Variants in ZNF407 observed in about 807,000 individuals in gnomAD.
The protein encoded by ZNF407 is zinc finger protein 407.
Under a neutral mutation model 131.2 loss-of-function variants are expected in ZNF407, and 17 were observed. The observed-to-expected ratio is 0.13, with a 90% CI of 0.09 to 0.19. ZNF407 has a LOEUF of 0.19. ZNF407 is among the 10% of genes least tolerant of loss of function. The probability of loss-of-function intolerance (pLI) is 1.00; values close to 1 mark genes in which losing one functional copy is unlikely to be tolerated. For missense variants in ZNF407, 2,681 were observed against 2,830.6 expected (o/e 0.95, Z 1.20); for synonymous variants, 1,156 against 1,062.0 (o/e 1.09, Z -1.72).
At chr18:74,743,783 G>A (rs529485903) in intron 3 of ZNF407, among the ~76,000 whole-genome samples, 1 of 152,028 alleles carries the variant, frequency 6.6e-6, no homozygotes, top group African/African-American at 2.4e-5. Flanking sequence ...GGTATATTGT[G>A]ATTTATTAAA....
In ZNF407 at chr18:74,632,067, C is replaced by T; in HGVS notation, c.1048C>T (p.Pro350Ser). The T allele has an allele frequency of 6.2e-7, 1 of 1,613,684 alleles. No individual in the cohort carries two copies. The highest frequency in any genetic ancestry group is 8.5e-7 in the Non-Finnish European group (1 of 1,179,788). Residue 350 changes from proline to serine, a missense_variant, in exon 2 of 9, where the codon CCT (proline) becomes TCT (serine). Pro to Ser is a moderately conservative substitution (Grantham distance 74). This residue lies in a region of ZNF407 where 1,789 missense variants were observed against 1,748.7 expected (regional missense o/e 1.02). Coordinates refer to ENST00000299687, the MANE Select transcript of ZNF407 (RefSeq NM_017757.3). ...CAGTGAGCTTCTTGTTGAAATGATG[C>T]CTTCCAGAAATACTTTGTCACAGGA... Reference protein sequence around the residue: ...SSSELLVEMMPSRNTLSQEVE... With the variant: ...SSSELLVEMMSSRNTLSQEVE...
At chr18:74,819,213 G>A (rs1296723019) in intron 4 of ZNF407, among the ~76,000 whole-genome samples, 1 of 152,212 alleles carries the variant, frequency 6.6e-6, no homozygotes, top group Non-Finnish European at 1.5e-5. Context: ...TTGGGTAAAA[G>A]TATTCACACT....
intron 4 of ZNF407, among the ~76,000 whole-genome samples, chr18:74,866,893 G>A (rs562419815): frequency 7.0e-6 from 1 of 143,160 alleles, no homozygotes; most frequent in East Asian, 2.1e-4. Context: ...GCATGTACCT[G>A]TAGTCCCAGC....
chr18:74,718,769 C>G (rs564494150), intron 3 of ZNF407, among the ~76,000 whole-genome samples: 2 of 152,264 alleles, frequency 1.3e-5, no homozygotes, highest in South Asian at 4.1e-4. Flanking sequence ...TTTTCTAAAT[C>G]TACTTATTCT....
chr18:74,935,603 G>A (rs1219129565), intron 8 of ZNF407, among the ~76,000 whole-genome samples: 1 of 152,164 alleles, frequency 6.6e-6, no homozygotes, highest in Non-Finnish European at 1.5e-5. Flanking sequence ...TGGCAATGTG[G>A]CCGCAGCTCA....
intron 4 of ZNF407, among the ~76,000 whole-genome samples, chr18:74,851,242 A>G (rs1017241634): frequency 6.6e-6 from 1 of 152,190 alleles, no homozygotes; most frequent in African/African-American, 2.4e-5. Context: ...TGCAAGTATG[A>G]TCTATGAGAC....
chr18:74,736,626 G>C (rs978251358), intron 3 of ZNF407, among the ~76,000 whole-genome samples: 2 of 151,948 alleles, frequency 1.3e-5, no homozygotes, highest in African/African-American at 4.8e-5. Context: ...AGATACAACT[G>C]TTCTATGATG....
intron 8 of ZNF407, among the ~76,000 whole-genome samples, chr18:75,023,788 A>C (rs780176292): frequency 6.6e-6 from 1 of 152,180 alleles, no homozygotes; most frequent in African/African-American, 2.4e-5. Flanking sequence ...AATAGAACCT[A>C]CTTTAAAGTG....
chr18:75,019,016 A>T (rs1599296423), intron 8 of ZNF407, among the ~76,000 whole-genome samples: 1 of 152,268 alleles, frequency 6.6e-6, no homozygotes, highest in East Asian at 1.9e-4. Context: ...GAATAATCTG[A>T]TCAAACCCAT....
At chr18:74,864,407 TCA>T (rs1433663137) in intron 4 of ZNF407, among the ~76,000 whole-genome samples, 3 of 152,226 alleles carry the variant, frequency 2.0e-5, no homozygotes, top group Non-Finnish European at 4.4e-5. Context: ...GCTGCCACTG[TCA>T]CACAGCTGAG....
rs1050485335 is a variant in ZNF407, at chr18:74,915,448, GGTT to G, written c.5250-5063_5250-5061del. 2.9e-5 allele frequency among the ~76,000 whole-genome samples: 4 copies of G among 137,358 alleles called. 1 individual carries two copies. The highest frequency in any genetic ancestry group is 6.2e-5 in the Non-Finnish European group (4 of 64,248). 90.1% of individuals were successfully genotyped at this position (137,358 alleles called of 152,430 possible). On this transcript the variant is annotated intron_variant, in intron 7 of 8. Coordinates refer to ENST00000299687, the MANE Select transcript of ZNF407 (RefSeq NM_017757.3). The stretch of plus-strand genomic sequence containing the variant: ...GTGCATGTGTGTACTGGTATGGTGA[GGTT>G]GTGTGCAGCATTGGTTCGAATCGGG...
intron 4 of ZNF407, among the ~76,000 whole-genome samples, chr18:74,845,252 A>G (rs1970686480): frequency 6.6e-6 from 1 of 152,204 alleles, no homozygotes; most frequent in South Asian, 2.1e-4. Flanking sequence ...CCTTGAGTTT[A>G]TGTTTGCTTT....
At chr18:74,827,526 C>G (rs545240675) in intron 4 of ZNF407, among the ~76,000 whole-genome samples, 2 of 152,062 alleles carry the variant, frequency 1.3e-5, no homozygotes, top group East Asian at 3.9e-4. Flanking sequence ...GGAGCCTCAT[C>G]AAGCCACCTC....
chr18:74,624,900 T>G (rs1983719729), intron 1 of ZNF407, among the ~76,000 whole-genome samples: 1 of 152,248 alleles, frequency 6.6e-6, no homozygotes, highest in African/African-American at 2.4e-5. Flanking sequence ...GCTATCTGAG[T>G]TAAATATTCT....
intron 4 of ZNF407, among the ~76,000 whole-genome samples, chr18:74,789,739 T>C (rs1171036645): frequency 6.6e-6 from 1 of 152,130 alleles, no homozygotes; most frequent in African/African-American, 2.4e-5. Context: ...TCTCTTCTCT[T>C]CCCCAGTCAC....
chr18:74,866,793 A>T (rs1289818574), intron 4 of ZNF407, among the ~76,000 whole-genome samples: 2 of 148,940 alleles, frequency 1.3e-5, no homozygotes, highest in Non-Finnish European at 3.0e-5. Flanking sequence ...ATTATATTTT[A>T]TTCATTATAT....
At chr18:74,750,759 T>A (rs1435224787) in intron 3 of ZNF407, among the ~76,000 whole-genome samples, 1 of 152,206 alleles carries the variant, frequency 6.6e-6, no homozygotes, top group Non-Finnish European at 1.5e-5. Flanking sequence ...TTGTGCTAAC[T>A]ATATGTTTAA....
chr18:75,004,568 C>G (rs1232713329), intron 8 of ZNF407, among the ~76,000 whole-genome samples: 1 of 152,178 alleles, frequency 6.6e-6, no homozygotes, highest in Non-Finnish European at 1.5e-5. Flanking sequence ...AAGCGAGTCT[C>G]TTGCTCGAGA....
chr18:74,917,271 A>G (rs1037242005), intron 7 of ZNF407, among the ~76,000 whole-genome samples: 2 of 152,128 alleles, frequency 1.3e-5, no homozygotes, highest in South Asian at 2.1e-4. Flanking sequence ...TCTTGTCTGC[A>G]TGTGTTTATG....
Sources: allele counts gnomAD v4.1 joint callset (sites outside exome capture counted in the v4.1 genomes callset), GRCh38; gene constraint gnomAD v4.1.1; regional missense constraint gnomAD v4.1.1; transcripts MANE v1.5; gene names NCBI Gene and HGNC (gene_info 2026-07-23, HGNC 2026-07-21).